The following CDKAL1 variants were observed in gnomAD, a reference collection of about 807,000 sequenced individuals.
CDKAL1 encodes the protein CDKAL1 threonylcarbamoyladenosine tRNA methylthiotransferase.
CDKAL1 carries 32 observed loss-of-function variants against 68.2 expected under a neutral mutation model. The ratio of observed to expected loss-of-function variants is 0.47; its 90% confidence interval spans 0.35 to 0.63. The LOEUF (loss-of-function observed/expected upper bound fraction) is 0.63. Ranked by LOEUF, CDKAL1 falls within the 30% of genes least tolerant of loss-of-function variation. The pLI, the probability that CDKAL1 is intolerant of heterozygous loss-of-function variation, is 0.00. For missense variants in CDKAL1, 606 were observed against 696.7 expected, an observed-to-expected ratio of 0.87 and a Z score of 1.47; for synonymous variants, 234 against 244.3, an observed-to-expected ratio of 0.96 and a Z score of 0.39.
At chr6:20,992,031 CT>C (rs71530401) in intron 10 of CDKAL1, among the ~76,000 whole-genome samples, 60,272 of 100,998 alleles carry the variant, frequency 0.6, 16,339 homozygotes, top group Middle Eastern at 0.68. Flanking sequence ...TTTTTCTTTT[CT>C]TTTTTTTTTT....
intron 9 of CDKAL1, among the ~76,000 whole-genome samples, chr6:20,859,427 A>G (rs1404394676): frequency 6.6e-6 from 1 of 152,222 alleles, no homozygotes; most frequent in African/African-American, 2.4e-5. Context: ...ACGTAAAAGA[A>G]CTGCGGAATA....
intron 13 of CDKAL1, among the ~76,000 whole-genome samples, chr6:21,136,281 T>C (rs1775591304): frequency 6.6e-6 from 1 of 152,232 alleles, no homozygotes; most frequent in Non-Finnish European, 1.5e-5. Flanking sequence ...TTTTTAAAAC[T>C]CTCATTCATT....
At chr6:21,035,048 C>A (rs932361432) in intron 11 of CDKAL1, among the ~76,000 whole-genome samples, 6 of 151,980 alleles carry the variant, frequency 3.9e-5, no homozygotes, top group Non-Finnish European at 8.8e-5. Flanking sequence ...TGAAATAGAG[C>A]AAAACGGAGA....
intron 8 of CDKAL1, among the ~76,000 whole-genome samples, chr6:20,808,356 A>G (rs1436015790): frequency 2.6e-5 from 4 of 152,182 alleles, no homozygotes. Flanking sequence ...GTAAGTACCT[A>G]CATAATAACC....
At chr6:20,731,532 T>G (rs556627860) in intron 5 of CDKAL1, among the ~76,000 whole-genome samples, 2 of 152,326 alleles carry the variant, frequency 1.3e-5, no homozygotes, top group South Asian at 4.1e-4. Context: ...TGAGATTAAC[T>G]TGCACAAATG....
chr6:20,694,693 C>T (rs1460100069), intron 5 of CDKAL1, among the ~76,000 whole-genome samples: 1 of 152,158 alleles, frequency 6.6e-6, no homozygotes, highest in Admixed American at 6.5e-5. Flanking sequence ...TGCTTTCCCC[C>T]TCAGTGAAAA....
rs1764738237 is a variant in CDKAL1, at chr6:20,955,575, A to G, written c.899A>G (p.Glu300Gly). The change falls in exon 10 of 16, where the codon GAG becomes GGG. Residue 300 changes from glutamate (E) to glycine (G), a missense_variant. Glu to Gly is a moderately conservative substitution (Grantham distance 98). Transcript: ENST00000274695. Reference sequence around the variant, plus strand: ...ATGACAAATCCGCCCTATATTTTAGAGCATCTGGAGGTAAGGAAAAGCACC... The same window carrying G: ...ATGACAAATCCGCCCTATATTTTAGGGCATCTGGAGGTAAGGAAAAGCACC... ...LGMTNPPYIL[E>G]HLEEMAKILN... 1 of 1,613,934 alleles carries G rather than the reference A, an allele frequency of 6.2e-7. No individual in the cohort carries two copies. The highest frequency in any genetic ancestry group is 8.5e-7 in the Non-Finnish European group (1 of 1,179,958).
chr6:20,991,129 A>G (rs1015541385), intron 10 of CDKAL1, among the ~76,000 whole-genome samples: 7 of 152,270 alleles, frequency 4.6e-5, no homozygotes, highest in African/African-American at 1.7e-4. Flanking sequence ...GATATAAAAA[A>G]CATAATATCG....
chr6:20,758,736 A>C, intron 7 of CDKAL1, 93 bp downstream of exon 7: 1 of 902,858 alleles, frequency 1.1e-6, no homozygotes, highest in Non-Finnish European at 1.7e-6. Context: ...GCACCTTTAT[A>C]AAAGTTATTG....
In CDKAL1 at chr6:21,094,269, T is replaced by A. The variant is rs145559728; in HGVS notation, c.1237-14132T>A. Among the ~76,000 whole-genome samples, 6 of 152,048 alleles carry A rather than the reference T, an allele frequency of 3.9e-5. No individual in the cohort carries two copies. The East Asian group carries it at 1.2e-3, about 29-fold the overall frequency. On this transcript the variant is annotated intron_variant, in intron 12 of 15. Coordinates refer to ENST00000274695, the MANE Select transcript of CDKAL1 (RefSeq NM_017774.3). Reference sequence around the variant, plus strand: ...GAAATTACCAATAGCAAAAATGACATGTTACTTGGCAATATGGAGGTAAAT... The same window carrying A: ...GAAATTACCAATAGCAAAAATGACAAGTTACTTGGCAATATGGAGGTAAAT...
chr6:21,194,901 C>G (rs1310432974), intron 13 of CDKAL1, among the ~76,000 whole-genome samples: 2 of 152,038 alleles, frequency 1.3e-5, no homozygotes, highest in Non-Finnish European at 2.9e-5. Context: ...TTCAGTGTGA[C>G]TTCATTCATT....
At chr6:21,062,624 T>G (rs1771205521) in intron 11 of CDKAL1, among the ~76,000 whole-genome samples, 1 of 152,204 alleles carries the variant, frequency 6.6e-6, no homozygotes, top group Non-Finnish European at 1.5e-5. Context: ...GTCCTTGGAA[T>G]TTATCTTACT....
At chr6:20,833,015 A>G (rs1198170896) in intron 8 of CDKAL1, among the ~76,000 whole-genome samples, 1 of 152,120 alleles carries the variant, frequency 6.6e-6, no homozygotes, top group East Asian at 1.9e-4. Context: ...TTCCCAGCAC[A>G]TTTCATTGAT....
rs70990059 is a variant in CDKAL1, at chr6:20,693,129, C to CAA, written c.371+43779_371+43780dup. Among the ~76,000 whole-genome samples, 295 of 67,580 alleles carry CAA rather than the reference C, an allele frequency of 4.4e-3. 14 individuals are homozygous for CAA. The highest frequency in any genetic ancestry group is 0.01 in the African/African-American group (183 of 17,892). The allele number at this position is 67,580 out of a possible 152,430, so 44.3% of individuals were successfully genotyped here. Reference sequence around the variant, plus strand: ...TGGGCAACAAAGCGAGACTCTGTCTCAAAAAAAAAAAAAAAAAAAAAAAAA... The same window carrying CAA: ...TGGGCAACAAAGCGAGACTCTGTCTCAAAAAAAAAAAAAAAAAAAAAAAAAAA... On this transcript the variant is annotated intron_variant, in intron 5 of 15. Coordinates refer to ENST00000274695, the MANE Select transcript of CDKAL1 (RefSeq NM_017774.3).
chr6:20,550,381 T>C (rs538367516), intron 4 of CDKAL1, among the ~76,000 whole-genome samples: 2 of 152,320 alleles, frequency 1.3e-5, no homozygotes, highest in South Asian at 4.1e-4. Context: ...TGTTCCAATC[T>C]TGGCCATTAG....
chr6:21,134,573 G>A (rs7765177), intron 13 of CDKAL1, among the ~76,000 whole-genome samples: 11 of 152,152 alleles, frequency 7.2e-5, no homozygotes, highest in African/African-American at 2.4e-4. Flanking sequence ...TGCGTGCTGC[G>A]GAATACAAAA....
intron 10 of CDKAL1, among the ~76,000 whole-genome samples, chr6:20,978,700 G>A (rs1342288840): frequency 2.0e-5 from 3 of 151,964 alleles, no homozygotes; most frequent in African/African-American, 7.3e-5. Context: ...TCTTTGAAGT[G>A]GCCTGTAGGA....
At chr6:20,932,135 C>A (rs1763491379) in intron 9 of CDKAL1, among the ~76,000 whole-genome samples, 1 of 151,916 alleles carries the variant, frequency 6.6e-6, no homozygotes, top group Non-Finnish European at 1.5e-5. Flanking sequence ...TTTTTGGGAT[C>A]AATAATTGGG....
At chr6:21,124,383 A>G (rs1401735772) in intron 13 of CDKAL1, among the ~76,000 whole-genome samples, 2 of 152,084 alleles carry the variant, frequency 1.3e-5, no homozygotes, top group African/African-American at 2.4e-5. Flanking sequence ...TTGGTAGGCC[A>G]TGGCTGCTCA....
Sources: allele counts gnomAD v4.1 joint callset (sites outside exome capture counted in the v4.1 genomes callset), GRCh38; gene constraint gnomAD v4.1.1; transcripts MANE v1.5; gene names NCBI Gene and HGNC (gene_info 2026-07-23, HGNC 2026-07-21).